RASGEF1B: variants seen among roughly 807,000 people sequenced by gnomAD.
The protein encoded by RASGEF1B is RasGEF domain family member 1B.
RASGEF1B carries 30 observed loss-of-function variants against 65.7 expected under a neutral mutation model. The ratio of observed to expected loss-of-function variants is 0.46; its 90% CI spans 0.34 to 0.62. RASGEF1B has a LOEUF of 0.62. Among genes scored for constraint, RASGEF1B ranks in the 20% least tolerant of loss-of-function variants. The pLI, the probability that RASGEF1B is intolerant of heterozygous loss-of-function variation, is 0.01. For synonymous variants in RASGEF1B, 175 were observed against 194.8 expected, an observed-to-expected ratio of 0.90 and a Z score of 0.85; for missense variants, 495 against 580.1, an observed-to-expected ratio of 0.85 and a Z score of 1.51.
chr4:81,468,834 T>G (rs1172241291), intron 1 of RASGEF1B, among the ~76,000 whole-genome samples: 1 of 152,166 alleles, frequency 6.6e-6, no homozygotes, highest in Non-Finnish European at 1.5e-5. Flanking sequence ...AAAGCAGTTA[T>G]GACAGACCTA....
intron 2 of RASGEF1B, among the ~76,000 whole-genome samples, chr4:81,458,127 T>C (rs17005141): frequency 0.14 from 21,802 of 152,280 alleles, 1,708 homozygotes; most frequent in South Asian, 0.23. Flanking sequence ...AAAGTGTTTG[T>C]GTCAGAACAT....
rs1307320230 is a variant in RASGEF1B at position 81,448,132 on chromosome 4, C to A, written c.591G>T (p.Arg197Ser). ...VLKTKPQSIQ[R>S]DIITVCNDPY... ...GGTCGTTGCAGACAGTAATGATATC[C>A]CTTTGTATAGACTGTGGCTTGGTCT... The change falls in exon 5 of 14, where the codon AGG (arginine) becomes AGT (serine). Residue 197 changes from arginine (R) to serine (S), a missense_variant. Transcript: ENST00000264400. The A allele has an allele frequency of 1.2e-6, 2 of 1,614,008 alleles. No individual in the cohort carries two copies. The highest frequency in any genetic ancestry group is 4.5e-5 in the East Asian group (2 of 44,888).
At chr4:81,469,734 G>A (rs1382946263) in intron 1 of RASGEF1B, among the ~76,000 whole-genome samples, 1 of 152,062 alleles carries the variant, frequency 6.6e-6, no homozygotes, top group Non-Finnish European at 1.5e-5. Context: ...ACATGGGAAT[G>A]CTTTCTGGTG....
At chr4:81,449,972 C>T (rs1010952828) in intron 4 of RASGEF1B, among the ~76,000 whole-genome samples, 3 of 152,060 alleles carry the variant, frequency 2.0e-5, no homozygotes, top group African/African-American at 7.2e-5. Flanking sequence ...CTATTTTTCT[C>T]TATAGTCATG....
chr4:81,464,598 C>T (rs1156548942), intron 1 of RASGEF1B, among the ~76,000 whole-genome samples: 1 of 152,208 alleles, frequency 6.6e-6, no homozygotes, highest in Non-Finnish European at 1.5e-5. Context: ...AACCTCTCCC[C>T]ATCACCACCC....
At chr4:81,442,563 A>G (rs1359033640) in intron 8 of RASGEF1B, among the ~76,000 whole-genome samples, 187 bp from the exon 9 acceptor site, 1 of 152,264 alleles carries the variant, frequency 6.6e-6, no homozygotes, top group African/African-American at 2.4e-5. Context: ...CATAAATGCT[A>G]TCACTGACTC....
At chr4:81,432,593 C>T (rs973176546) in intron 12 of RASGEF1B, among the ~76,000 whole-genome samples, 1 of 152,006 alleles carries the variant, frequency 6.6e-6, no homozygotes, top group African/African-American at 2.4e-5. Context: ...GCCAAAAATG[C>T]ACTTAATTAC....
Position 81,448,079 on chromosome 4 carries a change from T to A in RASGEF1B, c.644A>T (p.His215Leu). 1 of 1,613,388 alleles carries A rather than the reference T, an allele frequency of 6.2e-7. No homozygotes were observed. The highest frequency in any genetic ancestry group is 8.5e-7 in the Non-Finnish European group (1 of 1,179,350). ...TGATAACGGCCTTACCAGCTCTATA[T>A]GAGTCAGCTGCTGGGCCAACGTGTA... The part of the protein sequence containing the change: ...DPYTLAQQLT[H>L]IELERLNYIG... The change falls in exon 5 of 14, where the codon CAT (histidine) becomes CTT (leucine). Residue 215 changes from histidine to leucine, a missense_variant. Physicochemically the swap from His to Leu is moderately conservative, Grantham distance 99 (BLOSUM62 -3). Coordinates refer to ENST00000264400, the MANE Select transcript of RASGEF1B (RefSeq NM_152545.3).
chr4:81,437,257 A>G (rs1721662464), intron 10 of RASGEF1B, among the ~76,000 whole-genome samples: 1 of 152,188 alleles, frequency 6.6e-6, no homozygotes, highest in Non-Finnish European at 1.5e-5. Context: ...AAAAATAATA[A>G]TATTTCAAGA....
chr4:81,442,746 T>A (rs1721883801), intron 8 of RASGEF1B, among the ~76,000 whole-genome samples: 1 of 152,254 alleles, frequency 6.6e-6, no homozygotes, highest in South Asian at 2.1e-4. Context: ...TGTGTTCCAG[T>A]AAAACTTTGT....
Position 81,447,581 on chromosome 4 carries a change from G to A in RASGEF1B, c.655-3C>T, listed in dbSNP as rs986336159. 3 of 1,612,816 alleles carry A rather than the reference G, an allele frequency of 1.9e-6. No individual in the cohort carries two copies. The highest frequency in any genetic ancestry group is 1.1e-5 in the South Asian group (1 of 91,038). On this transcript the variant is annotated splice_polypyrimidine_tract_variant and splice_region_variant and intron_variant, in intron 5 of 13. Coordinates refer to ENST00000264400, the MANE Select transcript of RASGEF1B (RefSeq NM_152545.3). ...GGCCCAATATAATTGAGCCTCTCCT[G>A]AAACACAAACCCAGAAGGTCAACAG...
intron 10 of RASGEF1B, among the ~76,000 whole-genome samples, chr4:81,435,288 G>A (rs916334652): frequency 6.6e-6 from 1 of 151,172 alleles, no homozygotes; most frequent in Non-Finnish European, 1.5e-5. Context: ...GCGGGCGCCT[G>A]TAGTCCCAGC....
At chr4:81,447,168 C>G (rs1722056384) in intron 6 of RASGEF1B, among the ~76,000 whole-genome samples, 1 of 152,186 alleles carries the variant, frequency 6.6e-6, no homozygotes, top group Non-Finnish European at 1.5e-5. Context: ...AACCTTCTCT[C>G]TTAGCAGATT....
At chr4:81,437,553 T>C (rs546791803) in intron 10 of RASGEF1B, among the ~76,000 whole-genome samples, 1 of 152,290 alleles carries the variant, frequency 6.6e-6, no homozygotes, top group African/African-American at 2.4e-5. Flanking sequence ...GTGCTGATCA[T>C]TTACTGTTTC....
At chr4:81,467,992 C>T (rs1722900771) in intron 1 of RASGEF1B, among the ~76,000 whole-genome samples, 2 of 152,044 alleles carry the variant, frequency 1.3e-5, no homozygotes, top group South Asian at 4.2e-4. Flanking sequence ...TAAAATGTGG[C>T]TTATTGCAAC....
At chr4:81,446,253 G>A (rs747486702) in intron 6 of RASGEF1B, among the ~76,000 whole-genome samples, 3 of 152,204 alleles carry the variant, frequency 2.0e-5, no homozygotes, top group East Asian at 1.9e-4. Context: ...GCAGGTGCCT[G>A]TAATCCCAGC....
chr4:81,466,770 AAAAGAAAGAAAGAAAG>A (rs1553947087), intron 1 of RASGEF1B, among the ~76,000 whole-genome samples: 53 of 36,098 alleles, frequency 1.5e-3, no homozygotes, highest in African/African-American at 4.3e-3. Flanking sequence ...AAAAAAAAAA[AAAAGAAAGAAAGAAAG>A]AAAGAAAGAA....
chr4:81,437,603 C>T (rs1721674528), intron 10 of RASGEF1B, among the ~76,000 whole-genome samples: 1 of 152,150 alleles, frequency 6.6e-6, no homozygotes, highest in African/African-American at 2.4e-5. Flanking sequence ...ACGCCAGGTG[C>T]CTATAGCTGG....
rs563610062 is a variant in RASGEF1B, at chr4:81,466,619, C to T, written c.-7+5151G>A. Among the ~76,000 whole-genome samples the T allele has an allele frequency of 1.2e-3, 189 of 151,480 alleles. 1 individual carries two copies. The highest frequency in any genetic ancestry group is 1.9e-3 in the Non-Finnish European group (131 of 67,848). ...CTAAAAACACAAAAAATTAGCTGGGCGTGGTGGCGGGTGCCTGTAGTCCCA... is the reference window on the plus strand; with the variant it reads ...CTAAAAACACAAAAAATTAGCTGGGTGTGGTGGCGGGTGCCTGTAGTCCCA... On this transcript the variant is annotated intron_variant, in intron 1 of 13. Transcript: ENST00000264400.
Sources: allele counts gnomAD v4.1 joint callset (sites outside exome capture counted in the v4.1 genomes callset), GRCh38; gene constraint gnomAD v4.1.1; transcripts MANE v1.5; gene names NCBI Gene and HGNC (gene_info 2026-07-23, HGNC 2026-07-21).